The following SRD5A2 variants were observed in gnomAD, a reference collection of about 807,000 sequenced individuals.
SRD5A2 encodes steroid 5 alpha-reductase 2, also known as 3-oxo-5-alpha-steroid 4-dehydrogenase 2.
A neutral mutation model predicts 27.4 loss-of-function variants in SRD5A2; 30 were observed. That is an observed-to-expected ratio of 1.10 (90% CI 0.82 to 1.49). The LOEUF (loss-of-function observed/expected upper bound fraction) is 1.49, where lower values mean the gene tolerates loss of function less well. SRD5A2 is among the 40% of genes most tolerant of loss of function. The probability of loss-of-function intolerance (pLI) is 0.00; values close to 1 mark genes in which losing one functional copy is unlikely to be tolerated. For synonymous variants in SRD5A2, 141 were observed against 133.6 expected, an observed-to-expected ratio of 1.06 and a Z score of -0.38; for missense variants, 348 against 323.4, an observed-to-expected ratio of 1.08 and a Z score of -0.58.
chr2:31,648,770 C>T, the SRD5A2 span, among the ~76,000 whole-genome samples: 508 of 152,302 alleles, frequency 3.3e-3, 2 homozygotes, highest in Non-Finnish European at 4.8e-3. Flanking sequence ...GTTCTTTCCT[C>T]GAGGCATATA....
At chr2:31,599,794 C>A in the SRD5A2 span, among the ~76,000 whole-genome samples, 1 of 151,704 alleles carries the variant, frequency 6.6e-6, no homozygotes, top group Non-Finnish European at 1.5e-5. Context: ...AATATCAGAG[C>A]TGAAATAAAT....
chr2:31,560,055 TCCCC>T (rs67240045), intron 1 of SRD5A2, among the ~76,000 whole-genome samples: 1,646 of 122,472 alleles, frequency 0.013, 31 homozygotes, highest in Non-Finnish European at 0.015. Flanking sequence ...TACATACCAA[TCCCC>T]CCCCCCCCCT....
At chr2:31,554,771 C>A (rs751780905) in intron 1 of SRD5A2, among the ~76,000 whole-genome samples, 1 of 152,118 alleles carries the variant, frequency 6.6e-6, no homozygotes, top group Non-Finnish European at 1.5e-5. Context: ...TTCCATTACT[C>A]AAATGGTAGA....
chr2:31,588,971 T>C, the SRD5A2 span, among the ~76,000 whole-genome samples: 1 of 152,114 alleles, frequency 6.6e-6, no homozygotes, highest in Non-Finnish European at 1.5e-5. Context: ...CCAGGAAAAC[T>C]GAAAGAATTC....
At chr2:31,601,960 C>T in the SRD5A2 span, among the ~76,000 whole-genome samples, 520 of 151,926 alleles carry the variant, frequency 3.4e-3, 1 homozygote, top group African/African-American at 0.012. Flanking sequence ...CATACTGAAT[C>T]GGCAAAAGCT....
the SRD5A2 span, among the ~76,000 whole-genome samples, chr2:31,626,489 G>C: frequency 1.3e-5 from 2 of 152,050 alleles, no homozygotes; most frequent in Non-Finnish European, 2.9e-5. Flanking sequence ...TATTGGCTGT[G>C]GGTTTGTCAT....
intron 1 of SRD5A2, among the ~76,000 whole-genome samples, chr2:31,559,767 G>A (rs1666576102): frequency 6.6e-6 from 1 of 150,490 alleles, no homozygotes; most frequent in Non-Finnish European, 1.5e-5. Flanking sequence ...CTACTGAATA[G>A]GACAAAAATT....
the SRD5A2 span, among the ~76,000 whole-genome samples, chr2:31,634,046 C>A: frequency 6.6e-6 from 1 of 152,094 alleles, no homozygotes; most frequent in Non-Finnish European, 1.5e-5. Flanking sequence ...TGCTTGAGTG[C>A]ACAATGATTG....
intron 1 of SRD5A2, among the ~76,000 whole-genome samples, chr2:31,540,343 C>T (rs1572635279): frequency 6.6e-6 from 1 of 151,796 alleles, no homozygotes; most frequent in South Asian, 2.1e-4. Context: ...ATTAATAAAT[C>T]CAATAAATGT....
chr2:31,523,023 T>A lies in SRD5A2; in HGVS notation c.*3173A>T, dbSNP rs1665690577. The A allele has an allele frequency of 4.6e-6, 1 of 219,362 alleles. No homozygotes were observed. The highest frequency in any genetic ancestry group is 1.8e-4 in the South Asian group (1 of 5,406). 13.6% of individuals were successfully genotyped at this position (219,362 alleles called of 1,614,324 possible). ...TGTTCCTGAAAGGGTCTAAGCCGCC[T>A]AAATAGCTGTTTAATTGCGTATTTC... is the stretch of plus-strand genomic sequence containing the variant. On this transcript the variant is annotated 3_prime_UTR_variant, in exon 5 of 5. Coordinates refer to ENST00000622030, the MANE Select transcript of SRD5A2 (RefSeq NM_000348.4).
intron 3 of SRD5A2, among the ~76,000 whole-genome samples, 158 bp from the exon 4 acceptor site, chr2:31,529,615 A>G (rs1665860965): frequency 6.6e-6 from 1 of 152,156 alleles, no homozygotes; most frequent in Non-Finnish European, 1.5e-5. Flanking sequence ...CCTCTTGGGG[A>G]GAAGGGGAAA....
At chr2:31,553,031 C>G (rs1295615399) in intron 1 of SRD5A2, among the ~76,000 whole-genome samples, 1 of 152,024 alleles carries the variant, frequency 6.6e-6, no homozygotes, top group East Asian at 1.9e-4. Flanking sequence ...CAAAGGAAAT[C>G]AGGAAAGTAA....
chr2:31,545,602 C>A (rs1247386174), intron 1 of SRD5A2, among the ~76,000 whole-genome samples: 1 of 152,128 alleles, frequency 6.6e-6, no homozygotes, highest in Admixed American at 6.6e-5. Context: ...ATATTAAAAA[C>A]CCAAAGCAAA....
At chr2:31,582,667 C>T (rs1478537088), upstream of SRD5A2, among the ~76,000 whole-genome samples, 1 of 152,124 alleles carries the variant, frequency 6.6e-6, no homozygotes, top group African/African-American at 2.4e-5. Context: ...TGCGTTTTCT[C>T]CCTGCTGGAA....
chr2:31,599,497 C>A, the SRD5A2 span, among the ~76,000 whole-genome samples: 1 of 151,890 alleles, frequency 6.6e-6, no homozygotes, highest in African/African-American at 2.4e-5. Context: ...AAATCAGTAA[C>A]AAGAGGAATT....
intron 1 of SRD5A2, among the ~76,000 whole-genome samples, chr2:31,575,592 T>A (rs111229512): frequency 6.6e-6 from 1 of 152,206 alleles, no homozygotes; most frequent in Non-Finnish European, 1.5e-5. Context: ...GGGAATGAAC[T>A]GACTAATAAA....
the SRD5A2 span, among the ~76,000 whole-genome samples, chr2:31,593,435 G>C: frequency 6.6e-6 from 1 of 151,956 alleles, no homozygotes; most frequent in Non-Finnish European, 1.5e-5. Context: ...GTGGAAAAAA[G>C]AACTTCAGAG....
the SRD5A2 span, among the ~76,000 whole-genome samples, chr2:31,659,116 T>C: frequency 1.3e-5 from 2 of 151,900 alleles, no homozygotes; most frequent in South Asian, 2.1e-4. Flanking sequence ...AAAACGCTTT[T>C]AATAAAATTC....
Position 31,576,045 on chromosome 2 carries a change from A to G in SRD5A2, c.281+4575T>C, listed in dbSNP as rs147299549. ...TTAGACCTAAAACCATAAAAACCCT[A>G]GAAGAAAACCTAGGCATTACCATTC... is the stretch of plus-strand genomic sequence containing the variant. On this transcript the variant is annotated intron_variant, in intron 1 of 4. Transcript: ENST00000622030. Among the ~76,000 whole-genome samples the G allele has an allele frequency of 5.9e-3, 892 of 151,950 alleles. 41 individuals carry two copies. In the East Asian group the frequency reaches 0.1, roughly 17 times the overall value.
Sources: gnomAD v4.1 joint callset for allele counts (sites outside exome capture counted in the v4.1 genomes callset) on GRCh38, gnomAD v4.1.1 for gene constraint, MANE v1.5 for transcripts, NCBI Gene and HGNC (gene_info 2026-07-23, HGNC 2026-07-21) for gene names.